The following GLI2 variants were observed in gnomAD, a reference collection of about 807,000 sequenced individuals.
The protein encoded by GLI2 is transcription activator GLI2.
GLI2 carries 22 observed loss-of-function variants against 78.9 expected under a neutral mutation model. The observed-to-expected ratio is 0.28, with a 90% CI of 0.20 to 0.40. The LOEUF is 0.40. Among genes scored for constraint, GLI2 ranks in the 10% least tolerant of loss-of-function variants. The pLI is 1.00. For missense variants in GLI2, 2,097 were observed against 2,213.2 expected, an observed-to-expected ratio of 0.95 and a Z score of 1.05; for synonymous variants, 974 against 963.7, an observed-to-expected ratio of 1.01 and a Z score of -0.20.
chr2:120,987,468 G>C (rs1192544157), intron 13 of GLI2, among the ~76,000 whole-genome samples: 1 of 152,182 alleles, frequency 6.6e-6, no homozygotes, highest in African/African-American at 2.4e-5. Flanking sequence ...TCAAGATGAG[G>C]CTCAGAGAGG....
Position 120,989,332 on chromosome 2 carries a change from A to G in GLI2, c.3367A>G (p.Asn1123Asp), listed in dbSNP as rs1683162266. The G allele has an allele frequency of 2.5e-6, 4 of 1,613,024 alleles. No individual in the cohort carries two copies. The Middle Eastern group carries it at 4.9e-4, about 200-fold the overall frequency. The change falls in exon 14 of 14, where the codon AAT becomes GAT. Residue 1123 changes from asparagine to aspartate, a missense_variant. By Grantham distance (23) the Asn-to-Asp change is conservative. Transcript: ENST00000361492. ...GFGAPSSLNK[N>D]NMPVQWNEVS... ...TGGGGCGCCCTCCAGCCTGAACAAA[A>G]ATAACATGCCTGTGCAGTGGAATGA...
intron 2 of GLI2, among the ~76,000 whole-genome samples, chr2:120,829,756 A>C (rs572874973): frequency 2.0e-5 from 3 of 152,130 alleles, no homozygotes; most frequent in Non-Finnish European, 4.4e-5. Context: ...AGGAGGGCCT[A>C]TGTGGGCCTT....
At position 120,988,757 on chromosome 2, in the gene GLI2, A is replaced by G; in HGVS notation, c.2792A>G (p.His931Arg). ...RRGSDGPTYG[H>R]GHAGAAPAFP... ...GGCAGCGACGGGCCGACCTATGGCC[A>G]CGGCCACGCGGGGGCTGCGCCCGCC... Residue 931 changes from histidine (H) to arginine (R), a missense_variant, in exon 14 of 14, where the codon CAC (histidine) becomes CGC (arginine). Coordinates refer to ENST00000361492, the MANE Select transcript of GLI2 (RefSeq NM_001374353.1). The G allele has an allele frequency of 8.0e-7, 1 of 1,243,714 alleles. No homozygotes were observed. The allele number at this position is 1,243,714 out of a possible 1,614,324, so 77.0% of individuals were successfully genotyped here.
chr2:120,893,901 C>T (rs1677805486), intron 2 of GLI2, among the ~76,000 whole-genome samples: 1 of 152,072 alleles, frequency 6.6e-6, no homozygotes. Context: ...TGCATAAACC[C>T]GAGTAATGAC....
intron 6 of GLI2, among the ~76,000 whole-genome samples, 189 bp downstream of exon 6, chr2:120,969,104 A>G (rs941809050): frequency 3.3e-5 from 5 of 152,260 alleles, no homozygotes; most frequent in African/African-American, 9.6e-5. Flanking sequence ...AAATGAGCCC[A>G]TATCTGAGTA....
At chr2:120,784,936 G>A (rs1386953372) in intron 1 of GLI2, among the ~76,000 whole-genome samples, 2 of 152,152 alleles carry the variant, frequency 1.3e-5, no homozygotes, top group Admixed American at 6.5e-5. Flanking sequence ...CGGTAGTACT[G>A]TGTTTCCCTC....
At chr2:120,980,035 C>T (rs1682644886) in intron 10 of GLI2, among the ~76,000 whole-genome samples, 1 of 152,208 alleles carries the variant, frequency 6.6e-6, no homozygotes. Flanking sequence ...TTTGTTTATG[C>T]ATTCATCAGT....
intron 2 of GLI2, among the ~76,000 whole-genome samples, chr2:120,845,266 C>G (rs1687061070): frequency 6.6e-6 from 1 of 152,132 alleles, no homozygotes; most frequent in African/African-American, 2.4e-5. Context: ...GAGTAAGACT[C>G]TGTCTCAAAA....
intron 2 of GLI2, among the ~76,000 whole-genome samples, chr2:120,881,107 A>G (rs1677091033): frequency 6.6e-6 from 1 of 151,498 alleles, no homozygotes; most frequent in African/African-American, 2.4e-5. Flanking sequence ...TATCTAAAGC[A>G]CCTGACACCC....
At chr2:120,773,432 T>A (rs1435110289) in intron 1 of GLI2, among the ~76,000 whole-genome samples, 1 of 151,908 alleles carries the variant, frequency 6.6e-6, no homozygotes, top group Non-Finnish European at 1.5e-5. Flanking sequence ...CAGGCAGGGA[T>A]GGGAAAGCCG....
rs1684678110 is a variant in GLI2, at chr2:120,800,890, A to C, written c.148+3422A>C. Among the ~76,000 whole-genome samples the C allele has an allele frequency of 6.6e-6, 1 of 152,104 alleles. No homozygotes were observed. The highest frequency in any genetic ancestry group is 2.4e-5 in the African/African-American group (1 of 41,424). On this transcript the variant is annotated intron_variant, in intron 2 of 13. Coordinates refer to ENST00000361492, the MANE Select transcript of GLI2 (RefSeq NM_001374353.1). This position sits in a 1 kb window ranked among gnomAD's most constrained non-coding sequence, Gnocchi z 4.1. ...TGGGGTGGGTGGGTCTTATCTGAGG[A>C]TGTCAGGGGCGCAGTGGTGAGGAAA...
intron 1 of GLI2, among the ~76,000 whole-genome samples, chr2:120,773,997 C>T (rs1683604776): frequency 1.1e-5 from 1 of 91,440 alleles, no homozygotes; most frequent in Non-Finnish European, 2.7e-5. Context: ...CTGGCTTCCT[C>T]CCCCCTTTCT....
chr2:120,904,961 C>G (rs1002915572), intron 2 of GLI2, among the ~76,000 whole-genome samples: 1 of 152,156 alleles, frequency 6.6e-6, no homozygotes, highest in African/African-American at 2.4e-5. Context: ...GCAGGCTTTC[C>G]CTCAGCCATT....
At chr2:120,797,758 G>A (rs1327017186) in intron 2 of GLI2, among the ~76,000 whole-genome samples, 1 of 151,884 alleles carries the variant, frequency 6.6e-6, no homozygotes, top group Non-Finnish European at 1.5e-5. Flanking sequence ...GGGAGGAGGG[G>A]CATGGTCGCT....
intron 2 of GLI2, among the ~76,000 whole-genome samples, chr2:120,889,727 G>T (rs1307400006): frequency 1.3e-5 from 2 of 152,166 alleles, no homozygotes; most frequent in African/African-American, 2.4e-5. Flanking sequence ...CACATGAAAA[G>T]GTGTTCAACT....
At chr2:120,857,158 C>T (rs1687683157) in intron 2 of GLI2, among the ~76,000 whole-genome samples, 1 of 152,112 alleles carries the variant, frequency 6.6e-6, no homozygotes, top group Non-Finnish European at 1.5e-5. Flanking sequence ...ACTCTGTGGG[C>T]AGCTGCACAT....
intron 2 of GLI2, among the ~76,000 whole-genome samples, chr2:120,898,170 A>G (rs909492299): frequency 7.1e-6 from 1 of 141,650 alleles, no homozygotes; most frequent in South Asian, 2.4e-4. Flanking sequence ...GCACTGATAT[A>G]GATTAAAACA....
rs571517244 is a variant in GLI2, at chr2:120,842,058, CAAAAA to C, written c.148+44605_148+44609del. Among the ~76,000 whole-genome samples, 80 of 74,530 alleles carry C rather than the reference CAAAAA, an allele frequency of 1.1e-3. 1 individual carries two copies. The highest frequency in any genetic ancestry group is 2.6e-3 in the African/African-American group (67 of 25,310). 48.9% of individuals were successfully genotyped at this position (74,530 alleles called of 152,430 possible). On this transcript the variant is annotated intron_variant, in intron 2 of 13. Transcript: ENST00000361492. ...CTCAATAGTTACCTATTTGTCAACT[CAAAAA>C]AAAAAAAAAAAAAACAGACTTCTTT...
Position 120,913,252 on chromosome 2 carries a change from T to G in GLI2, c.149-14109T>G, listed in dbSNP as rs552290808. Among the ~76,000 whole-genome samples, 31 of 152,268 alleles carry G rather than the reference T, an allele frequency of 2.0e-4. No individual in the cohort carries two copies. In the South Asian group the frequency reaches 4.6e-3, roughly 22 times the overall value. ...TTCAGTAGGGTAGCCGCGAGCTGTG[T>G]GTGGCTGAGTGCTTGCAATGTGGCT... On this transcript the variant is annotated intron_variant, in intron 2 of 13. Coordinates refer to ENST00000361492, the MANE Select transcript of GLI2 (RefSeq NM_001374353.1).
Sources: allele counts gnomAD v4.1 joint callset (sites outside exome capture counted in the v4.1 genomes callset), GRCh38; gene constraint gnomAD v4.1.1; non-coding constraint Gnocchi (gnomAD v3.1); transcripts MANE v1.5; gene names NCBI Gene and HGNC (gene_info 2026-07-23, HGNC 2026-07-21).